Variants in SLC25A24 observed in about 807,000 individuals in gnomAD.
The protein encoded by SLC25A24 is mitochondrial adenyl nucleotide antiporter SLC25A24.
In SLC25A24, 49 loss-of-function variants were observed where a neutral mutation model predicts 60.7. The ratio of observed to expected loss-of-function variants is 0.81; its 90% CI spans 0.64 to 1.02. The LOEUF (loss-of-function observed/expected upper bound fraction) is 1.02. Ranked by LOEUF, SLC25A24 falls within the 50% of genes least tolerant of loss-of-function variation. The probability of loss-of-function intolerance (pLI) is 0.00; values close to 1 mark genes in which losing one functional copy is unlikely to be tolerated. For synonymous variants in SLC25A24, 202 were observed against 200.6 expected (o/e 1.01, Z -0.06); for missense variants, 564 against 586.3 (o/e 0.96, Z 0.39).
intron 3 of SLC25A24, among the ~76,000 whole-genome samples, chr1:108,169,267 AGGAATGTCCT>A (rs1647358619): frequency 6.6e-6 from 1 of 152,200 alleles, no homozygotes; most frequent in Admixed American, 6.5e-5. Flanking sequence ...ACAGTTCTTC[AGGAATGTCCT>A]GGATATTCTT....
chr1:108,176,025 G>A (rs1558022066), intron 3 of SLC25A24, among the ~76,000 whole-genome samples: 1 of 151,936 alleles, frequency 6.6e-6, no homozygotes, highest in Non-Finnish European at 1.5e-5. Context: ...ACAAAATAAA[G>A]TACCAGCGAC....
intron 1 of SLC25A24, among the ~76,000 whole-genome samples, chr1:108,186,415 G>C (rs1174200015): frequency 1.3e-5 from 2 of 152,098 alleles, no homozygotes; most frequent in African/African-American, 4.8e-5. Flanking sequence ...AAATTAGCCA[G>C]ATGTGTTGGT....
At chr1:108,166,841 C>T (rs1261823512) in intron 3 of SLC25A24, among the ~76,000 whole-genome samples, 18 of 152,190 alleles carry the variant, frequency 1.2e-4, no homozygotes, top group East Asian at 7.7e-4. Context: ...TGAGGAACAG[C>T]GTTCCTTTGG....
rs1648400052 is a variant in SLC25A24, at chr1:108,193,181, A to G, written c.183+6775T>C. On this transcript the variant is annotated intron_variant, in intron 1 of 9. Transcript: ENST00000565488. ...TAAAAATCCTTATAATGATTTTTTA[A>G]AATAAAATAATTTTATTGTAGATTC... 2.1e-5 allele frequency among the ~76,000 whole-genome samples: 3 copies of G among 139,554 alleles called. 1 individual carries two copies. The highest frequency in any genetic ancestry group is 2.5e-5 in the African/African-American group (1 of 40,128). The allele number at this position is 139,554 out of a possible 152,430, so 91.6% of individuals were successfully genotyped here.
chr1:108,155,074 TC>T lies in SLC25A24; in HGVS notation c.730del (p.Glu244LysfsTer43). ...CCTCCAAAGCGAGCGGATACCTCCT[TC>T]TTTTACCATCTGTCGAAAGCCACCA... ...IFGGFRQMVK[E>X]GGIRSLWRGN... On this transcript the variant is annotated frameshift_variant, in exon 6 of 10. Transcript: ENST00000565488. LOFTEE classifies it high-confidence loss of function. The T allele has an allele frequency of 6.2e-7, 1 of 1,612,920 alleles. No homozygotes were observed. The highest frequency in any genetic ancestry group is 8.5e-7 in the Non-Finnish European group (1 of 1,179,390).
chr1:108,152,494 G>A (rs774713161), intron 6 of SLC25A24, among the ~76,000 whole-genome samples: 25 of 152,082 alleles, frequency 1.6e-4, no homozygotes, highest in Non-Finnish European at 3.1e-4. Context: ...AGCATCCTGA[G>A]TACAGGCACA....
At chr1:108,179,364 A>G (rs1647829833) in intron 3 of SLC25A24, among the ~76,000 whole-genome samples, 2 of 152,198 alleles carry the variant, frequency 1.3e-5, no homozygotes, top group Non-Finnish European at 2.9e-5. Flanking sequence ...GAACTACCAT[A>G]TGATCCTGCA....
Position 108,200,194 on chromosome 1 carries a change from G to C in SLC25A24, c.-56C>G. The stretch of plus-strand genomic sequence containing the variant: ...GAAGTCACGGGAGATCGAGGGCTGC[G>C]GGGCGAGACCGGGACCAGCGCGAGG... On this transcript the variant is annotated 5_prime_UTR_variant, in exon 1 of 10. Coordinates refer to ENST00000565488, the MANE Select transcript of SLC25A24 (RefSeq NM_013386.5). 2 of 1,472,650 alleles carry C rather than the reference G, an allele frequency of 1.4e-6. No individual in the cohort carries two copies. Among genetic ancestry groups the C allele is most frequent in the South Asian group, 1.3e-5 (1 of 75,980 alleles). 91.2% of individuals were successfully genotyped at this position (1,472,650 alleles called of 1,614,324 possible).
chr1:108,151,515 G>A (rs1002948327), intron 6 of SLC25A24, among the ~76,000 whole-genome samples: 11 of 152,122 alleles, frequency 7.2e-5, no homozygotes, highest in African/African-American at 1.9e-4. Context: ...CCATGAAACC[G>A]TTTCCTTCCA....
rs34563977 is a variant in SLC25A24 at position 108,138,978 on chromosome 1, T to C, written c.1249+80A>G. 0.21 allele frequency: 287,137 copies of C among 1,345,962 alleles called. 31,900 individuals carry two copies. The highest frequency in any genetic ancestry group is 0.23 in the Admixed American group (8,552 of 36,568). 83.4% of individuals were successfully genotyped at this position (1,345,962 alleles called of 1,614,324 possible). On this transcript the variant is annotated intron_variant, in intron 9 of 9. Coordinates refer to ENST00000565488, the MANE Select transcript of SLC25A24 (RefSeq NM_013386.5). ...TACTGTCTTAAAACTACAGTCTGCA[T>C]CTTAGTAGAACTTGGAGTTCTAAAA...
chr1:108,175,280 A>C (rs1452369654), intron 3 of SLC25A24, among the ~76,000 whole-genome samples: 2 of 152,164 alleles, frequency 1.3e-5, no homozygotes, highest in African/African-American at 4.8e-5. Context: ...GTAACTTCTC[A>C]TGAGATCTGA....
In SLC25A24 at chr1:108,135,734, C is replaced by T. The variant is rs149122041; in HGVS notation, c.*919G>A. On this transcript the variant is annotated 3_prime_UTR_variant, in exon 10 of 10. Transcript: ENST00000565488. ...TTCAACAGTGAGGGAGAAATAAGCA[C>T]ATCATTTGCTCATGATCAATCCACT... The T allele has an allele frequency of 5.2e-5, 8 of 152,742 alleles. No homozygotes were observed. In the East Asian group the frequency reaches 5.8e-4, roughly 11 times the overall value. The allele number at this position is 152,742 out of a possible 1,614,324, so 9.5% of individuals were successfully genotyped here.
intron 8 of SLC25A24, among the ~76,000 whole-genome samples, chr1:108,141,155 C>T (rs1213200068): frequency 6.6e-6 from 1 of 152,074 alleles, no homozygotes; most frequent in Non-Finnish European, 1.5e-5. Context: ...TTACATCAGA[C>T]AAAATAGACT....
chr1:108,186,988 A>G (rs1482945033), intron 1 of SLC25A24, among the ~76,000 whole-genome samples: 1 of 152,046 alleles, frequency 6.6e-6, no homozygotes, highest in Non-Finnish European at 1.5e-5. Context: ...GAGGCAAAAG[A>G]ATCGCTTGAA....
intron 1 of SLC25A24, among the ~76,000 whole-genome samples, chr1:108,193,635 T>G (rs1301044935): frequency 7.2e-6 from 1 of 139,788 alleles, no homozygotes; most frequent in Admixed American, 8.1e-5. Flanking sequence ...GTTGCAGCAC[T>G]GGAGAATTGC....
chr1:108,192,394 A>G, intron 1 of SLC25A24: 1 of 806,396 alleles, frequency 1.2e-6, no homozygotes. Context: ...CAGTGGGCCC[A>G]GGTCAAGCTT....
intron 1 of SLC25A24, among the ~76,000 whole-genome samples, chr1:108,188,509 T>G (rs989054280): frequency 6.6e-6 from 1 of 152,196 alleles, no homozygotes; most frequent in Non-Finnish European, 1.5e-5. Context: ...TGTCACAGCA[T>G]TCTGTGGCGC....
In SLC25A24 at chr1:108,148,370, G is replaced by C; in HGVS notation, c.839C>G (p.Thr280Ser). The change falls in exon 7 of 10, where the codon ACT (threonine) becomes AGT (serine). Residue 280 changes from threonine (T) to serine (S), a missense_variant. Thr to Ser is a moderately conservative substitution (Grantham distance 58). Coordinates refer to ENST00000565488, the MANE Select transcript of SLC25A24 (RefSeq NM_013386.5). Reference sequence around the variant, plus strand: ...TGTTCCTATTTTTTGTCCTTCTTCAGTAAGTAACTTCTTGTACTGTATAAA... The same window carrying C: ...TGTTCCTATTTTTTGTCCTTCTTCACTAAGTAACTTCTTGTACTGTATAAA... ...WAYEQYKKLLTEEGQKIGTFE... is the reference protein window; with the variant it reads ...WAYEQYKKLLSEEGQKIGTFE... 1 of 1,605,342 alleles carries C rather than the reference G, an allele frequency of 6.2e-7. No homozygotes were observed. Among genetic ancestry groups the C allele is most frequent in the Non-Finnish European group, 8.5e-7 (1 of 1,172,140 alleles).
intron 4 of SLC25A24, among the ~76,000 whole-genome samples, chr1:108,157,967 T>A (rs1353939216): frequency 6.6e-6 from 1 of 151,512 alleles, no homozygotes; most frequent in Non-Finnish European, 1.5e-5. Context: ...TGCAACCATT[T>A]TTCATAAGGC....
Sources: allele counts gnomAD v4.1 joint callset (sites outside exome capture counted in the v4.1 genomes callset), GRCh38; gene constraint gnomAD v4.1.1; transcripts MANE v1.5; gene names NCBI Gene and HGNC (gene_info 2026-07-23, HGNC 2026-07-21).